PDCD6IP: variants seen among roughly 807,000 people sequenced by gnomAD.
The protein encoded by PDCD6IP is programmed cell death 6 interacting protein, also known as programmed cell death 6-interacting protein.
In PDCD6IP, 43 loss-of-function variants were observed where a neutral mutation model predicts 103.7. The ratio of observed to expected loss-of-function variants is 0.41; its 90% CI spans 0.32 to 0.53. The LOEUF (loss-of-function observed/expected upper bound fraction) is 0.53. PDCD6IP is among the 20% of genes least tolerant of loss of function. The pLI is 0.16. For synonymous variants in PDCD6IP, 354 were observed against 378.7 expected (o/e 0.93, Z 0.76); for missense variants, 871 against 1,036.7 (o/e 0.84, Z 2.20).
In PDCD6IP at chr3:33,836,198, A is replaced by G; in HGVS notation, c.989A>G (p.Asp330Gly). Residue 330 changes from aspartate to glycine, a missense_variant, in exon 8 of 18, where the codon GAT (aspartate) becomes GGT (glycine). Physicochemically the swap from Asp to Gly is moderately conservative, Grantham distance 94 (BLOSUM62 -1). This residue lies in a region of PDCD6IP where 242 missense variants were observed against 250.7 expected (regional missense o/e 0.97). Transcript: ENST00000307296. The stretch of plus-strand genomic sequence containing the variant: ...CGAGTTCCAGACCTTAAAGATCTAG[A>G]TCCTATTGGCAAAGCCACACTTGTG... ...HDRVPDLKDL[D>G]PIGKATLVKS... The G allele has an allele frequency of 1.2e-6, 2 of 1,613,760 alleles. No homozygotes were observed. Among genetic ancestry groups the G allele is most frequent in the Non-Finnish European group, 1.7e-6 (2 of 1,179,660 alleles).
intron 12 of PDCD6IP, among the ~76,000 whole-genome samples, chr3:33,846,423 G>T (rs1333552627): frequency 6.6e-6 from 1 of 152,154 alleles, no homozygotes; most frequent in Admixed American, 6.5e-5. Context: ...TTACACACAG[G>T]CTTTACCCTC....
chr3:33,812,248 T>C, intron 2 of PDCD6IP, 122 bp downstream of exon 2: 1 of 1,355,800 alleles, frequency 7.4e-7, no homozygotes, highest in Non-Finnish European at 9.6e-7. Flanking sequence ...TTTAGATCTG[T>C]CTAATGCGAA....
chr3:33,801,883 T>C (rs930622402), intron 1 of PDCD6IP, among the ~76,000 whole-genome samples: 1 of 152,228 alleles, frequency 6.6e-6, no homozygotes, highest in Non-Finnish European at 1.5e-5. Flanking sequence ...AAAAGTCTGC[T>C]TATCAGCTTT....
chr3:33,823,317 T>C (rs770100184), intron 4 of PDCD6IP, among the ~76,000 whole-genome samples: 13 of 152,298 alleles, frequency 8.5e-5, no homozygotes, highest in Non-Finnish European at 1.6e-4. Flanking sequence ...TCCCGTTGTT[T>C]ATGTTTAGGG....
chr3:33,845,946 A>C (rs1018509714), intron 12 of PDCD6IP, among the ~76,000 whole-genome samples: 2 of 152,222 alleles, frequency 1.3e-5, no homozygotes, highest in African/African-American at 4.8e-5. Context: ...TATTTCTTAC[A>C]TTATTCTATA....
At chr3:33,800,603 A>C (rs1482077648) in intron 1 of PDCD6IP, among the ~76,000 whole-genome samples, 1 of 152,222 alleles carries the variant, frequency 6.6e-6, no homozygotes, top group Non-Finnish European at 1.5e-5. Context: ...TCATTAGTCT[A>C]ATAGCATAAG....
At position 33,855,322 on chromosome 3, in the gene PDCD6IP, G is replaced by A. The variant is rs542946056; in HGVS notation, c.2120+62G>A. ...ATTTTCTTTTAAAAAATCATGTAGA[G>A]ACTTTTGGTATGAACTTGGTAGTAT... On this transcript the variant is annotated intron_variant, in intron 15 of 17. Transcript: ENST00000307296. The A allele has an allele frequency of 3.0e-5, 31 of 1,037,720 alleles. 1 individual carries two copies. The South Asian group carries it at 3.5e-4, about 12-fold the overall frequency. The allele number at this position is 1,037,720 out of a possible 1,614,324, so 64.3% of individuals were successfully genotyped here.
intron 15 of PDCD6IP, among the ~76,000 whole-genome samples, chr3:33,858,875 T>C (rs1429091818): frequency 6.6e-6 from 1 of 152,130 alleles, no homozygotes; most frequent in African/African-American, 2.4e-5. Context: ...TATGCAAACA[T>C]GCTTTTGATA....
chr3:33,861,028 T>C (rs558014921), intron 15 of PDCD6IP, among the ~76,000 whole-genome samples: 13 of 152,202 alleles, frequency 8.5e-5, no homozygotes, highest in African/African-American at 3.1e-4. Context: ...TGAAATTAAT[T>C]TCAATATTTC....
At chr3:33,817,573 C>T (rs752722964) in intron 3 of PDCD6IP, among the ~76,000 whole-genome samples, 1 of 151,720 alleles carries the variant, frequency 6.6e-6, no homozygotes, top group Admixed American at 6.6e-5. Flanking sequence ...GGGGAACAGA[C>T]GAAACTCTGT....
rs780201384 is a variant in PDCD6IP, at chr3:33,838,317, T to C, written c.1171T>C (p.Leu391=). The change falls in exon 9 of 18, where the codon TTG becomes CTG. Residue 391 remains leucine (L), a synonymous_variant. Transcript: ENST00000307296. ...TGCTCAGATGAGAGAAGCCACCACT[T>C]TGGCAAATGGGTAGGTAGAGCTTAA... ...SIAQMREATT[L]ANGVLASLNL... The C allele has an allele frequency of 2.0e-5, 33 of 1,612,484 alleles. No homozygotes were observed. Among genetic ancestry groups the C allele is most frequent in the Non-Finnish European group, 2.5e-5 (29 of 1,178,912 alleles).
Position 33,866,512 on chromosome 3 carries a change from A to G in PDCD6IP, c.2594A>G (p.Tyr865Cys). Reference sequence around the variant, plus strand: ...CCTCAGCCCCCACAGCAGTCTTACTATCCACAGCAGTAATATGTCTGCTCA... The same window carrying G: ...CCTCAGCCCCCACAGCAGTCTTACTGTCCACAGCAGTAATATGTCTGCTCA... ...PFPQPPQQSY[Y>C]PQQ Residue 865 changes from tyrosine (Y) to cysteine (C), a missense_variant, in exon 18 of 18, where the codon TAT (tyrosine) becomes TGT (cysteine). Transcript: ENST00000307296. 2 of 1,604,834 alleles carry G rather than the reference A, an allele frequency of 1.2e-6. No homozygotes were observed. Among genetic ancestry groups the G allele is most frequent in the Non-Finnish European group, 8.5e-7 (1 of 1,177,236 alleles).
chr3:33,812,003 C>A, intron 1 of PDCD6IP, 69 bp from the exon 2 acceptor site: 1 of 1,489,976 alleles, frequency 6.7e-7, no homozygotes, highest in Non-Finnish European at 8.9e-7. Context: ...TCATTTTAAA[C>A]CAGTTGTAAT....
Position 33,867,667 on chromosome 3 carries a change from A to G in PDCD6IP, c.*1142A>G, listed in dbSNP as rs1358733428. The G allele has an allele frequency of 6.6e-6, 1 of 152,256 alleles. No homozygotes were observed. Among genetic ancestry groups the G allele is most frequent in the Non-Finnish European group, 1.5e-5 (1 of 68,028 alleles). 9.4% of individuals were successfully genotyped at this position (152,256 alleles called of 1,614,324 possible). A position where few individuals can be genotyped will look rare whatever the true frequency, so the allele number is the denominator to read the frequency against. Reference sequence around the variant, plus strand: ...TGCCATTAGGATATCTACTCACTGTATAAACCTCAGTAAAAATAGTGAAGA... The same window carrying G: ...TGCCATTAGGATATCTACTCACTGTGTAAACCTCAGTAAAAATAGTGAAGA... On this transcript the variant is annotated 3_prime_UTR_variant, in exon 18 of 18. Transcript: ENST00000307296.
At chr3:33,838,991 G>C (rs1195504384) in intron 9 of PDCD6IP, among the ~76,000 whole-genome samples, 1 of 151,986 alleles carries the variant, frequency 6.6e-6, no homozygotes, top group Non-Finnish European at 1.5e-5. Flanking sequence ...TATTTTTATA[G>C]AGACAAGATC....
chr3:33,809,080 A>G (rs1696660361), intron 1 of PDCD6IP, among the ~76,000 whole-genome samples: 1 of 152,150 alleles, frequency 6.6e-6, no homozygotes, highest in Non-Finnish European at 1.5e-5. Flanking sequence ...TCAAATGACC[A>G]TGTTATTTAA....
intron 7 of PDCD6IP, among the ~76,000 whole-genome samples, chr3:33,833,079 C>G (rs2125560939): frequency 6.6e-6 from 1 of 152,052 alleles, no homozygotes; most frequent in East Asian, 1.9e-4. Context: ...TTACAACTAT[C>G]TCACGTATCA....
chr3:33,816,530 A>AAAATATCT (rs1364624850), intron 3 of PDCD6IP, among the ~76,000 whole-genome samples: 1 of 148,152 alleles, frequency 6.7e-6, no homozygotes, highest in Non-Finnish European at 1.5e-5. Flanking sequence ...AAAAAAAAAG[A>AAAATATCT]AAATATCTCC....
At chr3:33,852,870 T>G in intron 13 of PDCD6IP, 134 bp downstream of exon 13, 1 of 1,105,760 alleles carries the variant, frequency 9.0e-7, no homozygotes, top group Non-Finnish European at 1.2e-6. Flanking sequence ...AATACATGTA[T>G]ATTTTGTAAA....
Sources: allele counts gnomAD v4.1 joint callset (sites outside exome capture counted in the v4.1 genomes callset), GRCh38; gene constraint gnomAD v4.1.1; regional missense constraint gnomAD v4.1.1; transcripts MANE v1.5; gene names NCBI Gene and HGNC (gene_info 2026-07-23, HGNC 2026-07-21).